The following BLK variants were observed in gnomAD, a reference collection of about 807,000 sequenced individuals.
The protein encoded by BLK is BLK proto-oncogene, Src family tyrosine kinase, also known as tyrosine-protein kinase Blk.
Under a neutral mutation model 61.8 loss-of-function variants are expected in BLK, and 64 were observed. The observed-to-expected ratio is 1.03, with a 90% CI of 0.85 to 1.27. The LOEUF (loss-of-function observed/expected upper bound fraction) is 1.27, where lower values mean the gene tolerates loss of function less well. Ranked by LOEUF, BLK falls within the 50% of genes most tolerant of loss-of-function variation. The pLI is 0.00. For synonymous variants in BLK, 351 were observed against 272.0 expected (o/e 1.29, Z -2.86); for missense variants, 853 against 660.5 (o/e 1.29, Z -3.19).
At chr8:11,513,204 T>C (rs758868990) in intron 1 of BLK, among the ~76,000 whole-genome samples, 2 of 152,152 alleles carry the variant, frequency 1.3e-5, no homozygotes, top group Non-Finnish European at 2.9e-5. Flanking sequence ...TTGTCCTCAA[T>C]GCACCACACG....
chr8:11,505,984 G>T (rs60489096), intron 1 of BLK, among the ~76,000 whole-genome samples: 2 of 152,226 alleles, frequency 1.3e-5, no homozygotes, highest in South Asian at 2.1e-4. Context: ...TCTTCCTCTC[G>T]CCCTGCTCCT....
intron 1 of BLK, among the ~76,000 whole-genome samples, chr8:11,510,670 G>A (rs1205780484): frequency 3.3e-5 from 5 of 151,892 alleles, no homozygotes; most frequent in East Asian, 3.9e-4. Context: ...GAAAGAAATC[G>A]AAAGATCTTT....
intron 1 of BLK, among the ~76,000 whole-genome samples, chr8:11,534,961 T>C (rs1800052053): frequency 6.6e-6 from 1 of 152,004 alleles, no homozygotes; most frequent in African/African-American, 2.4e-5. Context: ...ATTGCTTGAG[T>C]CCAGGCATTC....
chr8:11,546,274 C>A (rs1193663022), intron 3 of BLK, among the ~76,000 whole-genome samples, 171 bp downstream of exon 3: 2 of 152,164 alleles, frequency 1.3e-5, no homozygotes, highest in Non-Finnish European at 2.9e-5. Flanking sequence ...TCTTCAGGAA[C>A]CAAGAACAAG....
At chr8:11,513,967 A>G (rs1799125197) in intron 1 of BLK, among the ~76,000 whole-genome samples, 1 of 152,152 alleles carries the variant, frequency 6.6e-6, no homozygotes, top group African/African-American at 2.4e-5. Context: ...GACTTTTGCA[A>G]GGGAAATGTT....
intron 11 of BLK, among the ~76,000 whole-genome samples, chr8:11,562,395 G>A (rs1801536246): frequency 6.6e-6 from 1 of 152,192 alleles, no homozygotes; most frequent in South Asian, 2.1e-4. Context: ...GGAACTTCAG[G>A]CTGGCTGGGG....
At chr8:11,562,648 T>C (rs901641990) in intron 11 of BLK, among the ~76,000 whole-genome samples, 2 of 152,254 alleles carry the variant, frequency 1.3e-5, no homozygotes, top group African/African-American at 4.8e-5. Context: ...ACAAGGCCCC[T>C]GTAAGGTGAA....
chr8:11,559,134 G>A (rs11785335), intron 10 of BLK: 166,305 of 379,358 alleles, frequency 0.44, 38,960 homozygotes, highest in African/African-American at 0.6. Context: ...GGGAAATCTC[G>A]TGTGACCCAG....
chr8:11,530,196 A>T (rs568537005), intron 1 of BLK, among the ~76,000 whole-genome samples: 2 of 152,260 alleles, frequency 1.3e-5, no homozygotes, highest in African/African-American at 4.8e-5. Flanking sequence ...GGAATCTCAG[A>T]TTAGACCTTT....
chr8:11,557,943 G>A lies in BLK; in HGVS notation c.953-19G>A, dbSNP rs989211898. The stretch of plus-strand genomic sequence containing the variant: ...CGGGTCACTTTGCAGAAGGGCACTT[G>A]CAACTTCTCTTTTCTTAGGATGCCT... On this transcript the variant is annotated intron_variant, in intron 9 of 12. Coordinates refer to ENST00000259089, the MANE Select transcript of BLK (RefSeq NM_001715.3). 3.1e-6 allele frequency: 5 copies of A among 1,612,882 alleles called. No homozygotes were observed. Among genetic ancestry groups the A allele is most frequent in the Non-Finnish European group, 3.4e-6 (4 of 1,179,100 alleles).
At chr8:11,506,029 T>C (rs1056781497) in intron 1 of BLK, among the ~76,000 whole-genome samples, 1 of 152,198 alleles carries the variant, frequency 6.6e-6, no homozygotes, top group African/African-American at 2.4e-5. Context: ...CTTCCCACAG[T>C]GGGCCCAACA....
At chr8:11,497,139 A>G (rs1385349165) in intron 1 of BLK, among the ~76,000 whole-genome samples, 1 of 152,178 alleles carries the variant, frequency 6.6e-6, no homozygotes, top group East Asian at 1.9e-4. Flanking sequence ...AGAAAAAATG[A>G]TGAAGCCGCA....
chr8:11,548,250 C>G (rs1800737688), intron 4 of BLK, 125 bp downstream of exon 4: 3 of 784,336 alleles, frequency 3.8e-6, no homozygotes, highest in Non-Finnish European at 6.3e-6. Context: ...TGCCCCCAGC[C>G]CTGGCCCCAG....
At chr8:11,530,920 C>T (rs1484868531) in intron 1 of BLK, among the ~76,000 whole-genome samples, 6 of 152,162 alleles carry the variant, frequency 3.9e-5, no homozygotes, top group Non-Finnish European at 7.3e-5. Context: ...TAAGAAGCTC[C>T]CAAATTGTTT....
rs1045306871 is a variant in BLK, at chr8:11,564,337, G to A, written c.*229G>A. The A allele has an allele frequency of 1.4e-6, 1 of 703,624 alleles. No homozygotes were observed. The highest frequency in any genetic ancestry group is 1.7e-5 in the African/African-American group (1 of 57,404). 43.6% of individuals were successfully genotyped at this position (703,624 alleles called of 1,614,324 possible). On this transcript the variant is annotated 3_prime_UTR_variant, in exon 13 of 13. Transcript: ENST00000259089. ...TGTGCCGCTTCATTTGTAGAGGGCT[G>A]TAACAGTGACCTCGCACGGTCATCC...
chr8:11,553,019 TAC>T (rs755119398), intron 6 of BLK: 52 of 159,018 alleles, frequency 3.3e-4, no homozygotes, highest in African/African-American at 6.2e-4. Flanking sequence ...CATGCACATA[TAC>T]ACACACACGC....
At chr8:11,551,631 C>T (rs766947699) in intron 6 of BLK, among the ~76,000 whole-genome samples, 11 of 152,122 alleles carry the variant, frequency 7.2e-5, no homozygotes, top group African/African-American at 2.2e-4. Flanking sequence ...TACAGAATCC[C>T]GGGTGTGACC....
At chr8:11,509,911 T>G (rs1254867473) in intron 1 of BLK, 1 of 152,180 alleles carries the variant, frequency 6.6e-6, no homozygotes, top group Non-Finnish European at 1.5e-5. Flanking sequence ...ATTCTTCTCT[T>G]TTCTTTTTCT....
intron 3 of BLK, among the ~76,000 whole-genome samples, chr8:11,547,553 G>C (rs1291066435): frequency 6.6e-6 from 1 of 152,252 alleles, no homozygotes; most frequent in African/African-American, 2.4e-5. Context: ...TCTGGGCACA[G>C]ACAGTGGAGA....
Sources: allele counts gnomAD v4.1 joint callset (sites outside exome capture counted in the v4.1 genomes callset), GRCh38; gene constraint gnomAD v4.1.1; transcripts MANE v1.5; gene names NCBI Gene and HGNC (gene_info 2026-07-23, HGNC 2026-07-21).